The following SLC4A1AP variants were observed in gnomAD, a reference collection of about 807,000 sequenced individuals.
The protein encoded by SLC4A1AP is kanadaptin.
In SLC4A1AP, 64 loss-of-function variants were observed where a neutral mutation model predicts 89.7. The observed-to-expected ratio is 0.71, with a 90% CI of 0.58 to 0.88. The LOEUF is 0.88. Among genes scored for constraint, SLC4A1AP ranks in the 40% least tolerant of loss-of-function variants. The pLI, the probability that SLC4A1AP is intolerant of heterozygous loss-of-function variation, is 0.00. For synonymous variants in SLC4A1AP, 366 were observed against 353.3 expected, an observed-to-expected ratio of 1.04 and a Z score of -0.40; for missense variants, 931 against 965.0, an observed-to-expected ratio of 0.96 and a Z score of 0.47.
intron 2 of SLC4A1AP, among the ~76,000 whole-genome samples, 184 bp downstream of exon 2, chr2:27,665,479 G>T (rs1232610447): frequency 6.6e-6 from 1 of 152,150 alleles, no homozygotes; most frequent in African/African-American, 2.4e-5. Context: ...TAAAGAAATT[G>T]ACTTATAGGC....
intron 10 of SLC4A1AP, among the ~76,000 whole-genome samples, chr2:27,687,529 A>G (rs1675722737): frequency 6.6e-6 from 1 of 152,210 alleles, no homozygotes; most frequent in Non-Finnish European, 1.5e-5. Context: ...AATTCAAGGC[A>G]GCAGTGAGCT....
chr2:27,682,903 T>C (rs1675643624), intron 9 of SLC4A1AP, among the ~76,000 whole-genome samples: 3 of 152,238 alleles, frequency 2.0e-5, no homozygotes, highest in Non-Finnish European at 2.9e-5. Flanking sequence ...AAGTAAATGG[T>C]TTGTAAATTA....
In SLC4A1AP at chr2:27,693,623, G is replaced by A. The variant is rs375706278; in HGVS notation, c.2272-62G>A. 1.6e-5 allele frequency: 22 copies of A among 1,343,330 alleles called. No homozygotes were observed. The African/African-American group carries it at 3.2e-4, about 20-fold the overall frequency. 83.2% of individuals were successfully genotyped at this position (1,343,330 alleles called of 1,614,324 possible). A position where few individuals can be genotyped will look rare whatever the true frequency, so the allele number is the denominator to read the frequency against. On this transcript the variant is annotated intron_variant, in intron 12 of 13. Transcript: ENST00000613058. ...TAACAATAGGACCCCAATCCCTTCT[G>A]CAGTTGTAAGGTTTCTGGAGAGAAA...
intron 2 of SLC4A1AP, among the ~76,000 whole-genome samples, chr2:27,667,044 T>A (rs950460176): frequency 4.6e-5 from 7 of 152,048 alleles, no homozygotes; most frequent in African/African-American, 1.7e-4. Flanking sequence ...ATTTTTTTTG[T>A]ATTTTTAGTA....
At chr2:27,686,162 G>A (rs139009876) in intron 10 of SLC4A1AP, among the ~76,000 whole-genome samples, 266 of 152,262 alleles carry the variant, frequency 1.7e-3, no homozygotes, top group Non-Finnish European at 3.0e-3. Flanking sequence ...CAACAAACCA[G>A]GCTTGGCTAC....
chr2:27,688,057 A>C, intron 11 of SLC4A1AP, 37 bp downstream of exon 11: 1 of 1,556,172 alleles, frequency 6.4e-7, no homozygotes. Flanking sequence ...TGCTCTGCAC[A>C]CAGGTGGCTG....
intron 12 of SLC4A1AP, among the ~76,000 whole-genome samples, chr2:27,690,028 A>T (rs1675764496): frequency 1.3e-5 from 2 of 152,222 alleles, no homozygotes; most frequent in African/African-American, 4.8e-5. Context: ...AAAGGTTCAG[A>T]GAGAGAATAT....
In SLC4A1AP at chr2:27,664,700, C is replaced by A. The variant is rs1572987023; in HGVS notation, c.825+123C>A. ...GATTACGAAAGTGAAGGAATCAAGTCTGGCCTATCATCTTCAGACGGCTGT... is the reference window on the plus strand; with the variant it reads ...GATTACGAAAGTGAAGGAATCAAGTATGGCCTATCATCTTCAGACGGCTGT... On this transcript the variant is annotated intron_variant, in intron 1 of 13. Transcript: ENST00000613058. 4 of 742,576 alleles carry A rather than the reference C, an allele frequency of 5.4e-6. No homozygotes were observed. The East Asian group carries it at 7.9e-5, about 15-fold the overall frequency. The allele number at this position is 742,576 out of a possible 1,614,324, so 46.0% of individuals were successfully genotyped here.
chr2:27,687,856 CTTGTT>C, intron 10 of SLC4A1AP, 73 bp from the exon 11 acceptor site: 1 of 1,076,914 alleles, frequency 9.3e-7, no homozygotes, highest in Non-Finnish European at 1.4e-6. Flanking sequence ...TTCTCTTTCT[CTTGTT>C]TTTGTTTTTG....
chr2:27,688,081 G>A (rs1307557866), intron 11 of SLC4A1AP, 61 bp downstream of exon 11: 31 of 1,392,324 alleles, frequency 2.2e-5, no homozygotes, highest in Admixed American at 1.9e-4. Flanking sequence ...GGTTTCATAA[G>A]GGAGGGGCTG....
intron 11 of SLC4A1AP, among the ~76,000 whole-genome samples, chr2:27,688,256 G>A (rs541494601): frequency 1.3e-5 from 2 of 152,214 alleles, no homozygotes; most frequent in African/African-American, 4.8e-5. Context: ...CCCCCACAAA[G>A]CACCTAATGC....
intron 1 of SLC4A1AP, among the ~76,000 whole-genome samples, 192 bp from the exon 2 acceptor site, chr2:27,664,908 A>G (rs539948755): frequency 5.9e-5 from 9 of 152,026 alleles, no homozygotes; most frequent in African/African-American, 2.2e-4. Flanking sequence ...TCTCTTAAAA[A>G]AAAAAAAAAA....
intron 5 of SLC4A1AP, among the ~76,000 whole-genome samples, chr2:27,671,775 G>A (rs751841102): frequency 6.6e-6 from 1 of 152,184 alleles, no homozygotes; most frequent in Non-Finnish European, 1.5e-5. Context: ...GGGCATGGGT[G>A]ATGATAGTCT....
At chr2:27,690,458 A>G (rs960155734) in intron 12 of SLC4A1AP, among the ~76,000 whole-genome samples, 3 of 152,082 alleles carry the variant, frequency 2.0e-5, no homozygotes, top group African/African-American at 7.2e-5. Context: ...CTCTAGCTCC[A>G]AGTTGCTGCA....
intron 9 of SLC4A1AP, among the ~76,000 whole-genome samples, chr2:27,684,505 C>T (rs1180774646): frequency 1.3e-5 from 2 of 150,506 alleles, no homozygotes; most frequent in East Asian, 3.9e-4. Flanking sequence ...TCAACCTTTT[C>T]TAATAAATAC....
At chr2:27,671,816 G>T (rs988227278) in intron 5 of SLC4A1AP, among the ~76,000 whole-genome samples, 3 of 152,090 alleles carry the variant, frequency 2.0e-5, no homozygotes, top group Non-Finnish European at 4.4e-5. Context: ...CCTTTTCTTG[G>T]TCTACTCTCT....
At chr2:27,668,115 AT>A (rs1403641052) in intron 3 of SLC4A1AP, among the ~76,000 whole-genome samples, 3 of 151,618 alleles carry the variant, frequency 2.0e-5, no homozygotes, top group Non-Finnish European at 4.4e-5. Context: ...AGTGAAATGC[AT>A]TGAAATTTAT....
At chr2:27,674,819 C>T (rs146776297) in intron 5 of SLC4A1AP, among the ~76,000 whole-genome samples, 3,623 of 150,438 alleles carry the variant, frequency 0.024, 151 homozygotes, top group African/African-American at 0.084. Context: ...TCAAGCAATT[C>T]TCCTGCCTTA....
At chr2:27,679,831 T>C (rs1372592007) in intron 8 of SLC4A1AP, among the ~76,000 whole-genome samples, 1 of 152,104 alleles carries the variant, frequency 6.6e-6, no homozygotes, top group Admixed American at 6.5e-5. Context: ...TCGGGTTCCC[T>C]AAAAACAGAC....
Sources: allele counts gnomAD v4.1 joint callset (sites outside exome capture counted in the v4.1 genomes callset), GRCh38; gene constraint gnomAD v4.1.1; transcripts MANE v1.5; gene names NCBI Gene and HGNC (gene_info 2026-07-23, HGNC 2026-07-21).